The following RUNX2 variants were observed in gnomAD, a reference collection of about 807,000 sequenced individuals.
RUNX2 encodes RUNX family transcription factor 2.
A neutral mutation model predicts 51.7 loss-of-function variants in RUNX2; 10 were observed. That is an observed-to-expected ratio of 0.19 (90% confidence interval 0.12 to 0.33). The LOEUF is 0.33. Among genes scored for constraint, RUNX2 ranks in the 10% least tolerant of loss-of-function variants. The probability of loss-of-function intolerance (pLI) is 1.00; values close to 1 mark genes in which losing one functional copy is unlikely to be tolerated. For synonymous variants in RUNX2, 276 were observed against 273.6 expected, an observed-to-expected ratio of 1.01 and a Z score of -0.09; for missense variants, 562 against 691.3, an observed-to-expected ratio of 0.81 and a Z score of 2.10.
At chr6:45,528,809 G>T (rs973312887) in intron 7 of RUNX2, among the ~76,000 whole-genome samples, 3 of 152,208 alleles carry the variant, frequency 2.0e-5, no homozygotes, top group Non-Finnish European at 4.4e-5. Flanking sequence ...GTCAAGAAAA[G>T]TCAGTCCAGG....
At chr6:45,379,594 C>T (rs1052127011) in intron 2 of RUNX2, among the ~76,000 whole-genome samples, 1 of 152,084 alleles carries the variant, frequency 6.6e-6, no homozygotes, top group Non-Finnish European at 1.5e-5. Context: ...AGGCCAGGCG[C>T]GGTGGCTCAC....
chr6:45,348,394 C>T (rs560814736), intron 2 of RUNX2, among the ~76,000 whole-genome samples: 1 of 151,750 alleles, frequency 6.6e-6, no homozygotes, highest in South Asian at 2.1e-4. Context: ...TAGCCAGGCA[C>T]GGTGGCTCAC....
chr6:45,526,481 AG>A (rs1181047508), intron 7 of RUNX2, among the ~76,000 whole-genome samples: 1 of 152,260 alleles, frequency 6.6e-6, no homozygotes, highest in Admixed American at 6.5e-5. Flanking sequence ...ATGTGATCAC[AG>A]GACCAGGCTT....
intron 2 of RUNX2, among the ~76,000 whole-genome samples, chr6:45,409,586 G>A (rs1042909226): frequency 1.3e-5 from 2 of 152,106 alleles, no homozygotes; most frequent in Non-Finnish European, 2.9e-5. Context: ...CTATTATTTC[G>A]AGGTTTTTTC....
chr6:45,358,401 T>C (rs560051371), intron 2 of RUNX2, among the ~76,000 whole-genome samples: 1 of 152,326 alleles, frequency 6.6e-6, no homozygotes, highest in South Asian at 2.1e-4. Flanking sequence ...CTAAAATTTC[T>C]ATCACTGTGG....
At chr6:45,508,220 C>CTTTTTTTTTTTTTTTTTTT (rs61501897) in intron 6 of RUNX2, among the ~76,000 whole-genome samples, 1 of 65,646 alleles carries the variant, frequency 1.5e-5, no homozygotes, top group Non-Finnish European at 2.8e-5. Context: ...CTTATATTTC[C>CTTTTTTTTTTTTTTTTTTT]TTTTTTTTTT....
At chr6:45,403,248 T>TTTTTG (rs572753634) in intron 2 of RUNX2, among the ~76,000 whole-genome samples, 3 of 144,650 alleles carry the variant, frequency 2.1e-5, no homozygotes, top group African/African-American at 2.5e-5. Flanking sequence ...TTTTTTTTTT[T>TTTTTG]TTGAGACGGA....
intron 3 of RUNX2, among the ~76,000 whole-genome samples, chr6:45,426,928 T>C (rs1029055274): frequency 5.9e-5 from 9 of 152,314 alleles, no homozygotes; most frequent in African/African-American, 2.2e-4. Flanking sequence ...ATTTTATGTT[T>C]ATATTTTTTG....
At position 45,414,754 on chromosome 6, in the gene RUNX2, CTTTTTTT is replaced by C. The variant is rs34672680; in HGVS notation, c.59-7815_59-7809del. On this transcript the variant is annotated intron_variant, in intron 2 of 8. Coordinates refer to ENST00000647337, the MANE Select transcript of RUNX2 (RefSeq NM_001024630.4). ...ATCTCTCCACCTTCCCAGATCCTGG[CTTTTTTT>C]TTTTTTTTTTTTTTTTTTTTTTTAT... Among the ~76,000 whole-genome samples the C allele has an allele frequency of 1.2e-3, 39 of 33,434 alleles. 1 individual carries two copies. Among genetic ancestry groups the C allele is most frequent in the African/African-American group, 3.7e-3 (34 of 9,228 alleles). 21.9% of individuals were successfully genotyped at this position (33,434 alleles called of 152,430 possible). A position where few individuals can be genotyped will look rare whatever the true frequency, so the allele number is the denominator to read the frequency against.
At chr6:45,451,015 G>C (rs140701658) in intron 5 of RUNX2, among the ~76,000 whole-genome samples, 2 of 152,166 alleles carry the variant, frequency 1.3e-5, no homozygotes, top group South Asian at 4.1e-4. Flanking sequence ...TCGAGTTAAG[G>C]CTTCGAGGAC....
intron 2 of RUNX2, among the ~76,000 whole-genome samples, chr6:45,368,773 A>G (rs1009834750): frequency 3.3e-5 from 5 of 152,186 alleles, no homozygotes; most frequent in Admixed American, 6.5e-5. Flanking sequence ...CAGAGTCTCA[A>G]TTCTAATGAT....
intron 2 of RUNX2, among the ~76,000 whole-genome samples, chr6:45,387,115 A>G (rs932453273): frequency 6.6e-6 from 1 of 152,200 alleles, no homozygotes; most frequent in East Asian, 1.9e-4. Context: ...TACTCGTAAG[A>G]CATGAGGATA....
At chr6:45,394,624 C>T (rs556233678) in intron 2 of RUNX2, among the ~76,000 whole-genome samples, 9 of 152,302 alleles carry the variant, frequency 5.9e-5, no homozygotes, top group African/African-American at 1.9e-4. Flanking sequence ...GGGCTGTGAA[C>T]TTCACAAGTG....
chr6:45,508,719 C>T (rs780979571), intron 6 of RUNX2, among the ~76,000 whole-genome samples: 17 of 152,196 alleles, frequency 1.1e-4, no homozygotes, highest in Non-Finnish European at 2.2e-4. Context: ...AAGGCCTCCA[C>T]TAAAAGCAAA....
intron 6 of RUNX2, among the ~76,000 whole-genome samples, chr6:45,502,124 A>G (rs891967094): frequency 1.3e-5 from 2 of 152,196 alleles, no homozygotes; most frequent in Non-Finnish European, 2.9e-5. Flanking sequence ...TGCTCCATCA[A>G]GAAGCAGCCC....
chr6:45,453,546 C>A (rs1332151242), intron 5 of RUNX2, among the ~76,000 whole-genome samples: 1 of 152,240 alleles, frequency 6.6e-6, no homozygotes, highest in African/African-American at 2.4e-5. Context: ...GACTTATAAA[C>A]CAGTCTCCCT....
intron 2 of RUNX2, among the ~76,000 whole-genome samples, chr6:45,419,958 A>G (rs1582090931): frequency 6.6e-6 from 1 of 151,460 alleles, no homozygotes; most frequent in Non-Finnish European, 1.5e-5. Flanking sequence ...CTGTGGAGGG[A>G]TTTGGGGAAG....
At chr6:45,441,710 A>G (rs1397340557) in intron 5 of RUNX2, among the ~76,000 whole-genome samples, 1 of 152,178 alleles carries the variant, frequency 6.6e-6, no homozygotes, top group Non-Finnish European at 1.5e-5. Flanking sequence ...TCATTAGTAA[A>G]TGACACTAAT....
chr6:45,517,191 T>C (rs933203743), intron 7 of RUNX2, among the ~76,000 whole-genome samples: 1 of 152,202 alleles, frequency 6.6e-6, no homozygotes, highest in African/African-American at 2.4e-5. Context: ...TATAGATTTT[T>C]TTTTTTAAGA....
Sources: gnomAD v4.1 joint callset for allele counts (sites outside exome capture counted in the v4.1 genomes callset) on GRCh38, gnomAD v4.1.1 for gene constraint, MANE v1.5 for transcripts, NCBI Gene and HGNC (gene_info 2026-07-23, HGNC 2026-07-21) for gene names.